Variants in NOL4 observed in about 807,000 individuals in gnomAD.
The protein encoded by NOL4 is cancer/testis antigen 125.
In NOL4, 17 loss-of-function variants were observed where a neutral mutation model predicts 75.9. The ratio of observed to expected loss-of-function variants is 0.22; its 90% CI spans 0.15 to 0.34. NOL4 has a LOEUF of 0.34. Among genes scored for constraint, NOL4 ranks in the 10% least tolerant of loss-of-function variants. The probability of loss-of-function intolerance (pLI) is 1.00; values close to 1 mark genes in which losing one functional copy is unlikely to be tolerated. For missense variants in NOL4, 614 were observed against 793.5 expected (o/e 0.77, Z 2.72); for synonymous variants, 292 against 289.9 (o/e 1.01, Z -0.07).
At chr18:33,857,815 C>T (rs1233865784) in intron 10 of NOL4, among the ~76,000 whole-genome samples, 1 of 152,050 alleles carries the variant, frequency 6.6e-6, no homozygotes, top group Non-Finnish European at 1.5e-5. Context: ...AAGGAATAAC[C>T]ATATGCTTTA....
chr18:34,071,434 GACAGACAC>G (rs1568304609), intron 5 of NOL4, among the ~76,000 whole-genome samples: 1 of 66,522 alleles, frequency 1.5e-5, no homozygotes, highest in Non-Finnish European at 3.3e-5. Flanking sequence ...CAGACAGACA[GACAGACAC>G]ACACACACAC....
chr18:34,141,564 A>G (rs1388109253), intron 1 of NOL4, among the ~76,000 whole-genome samples: 1 of 152,200 alleles, frequency 6.6e-6, no homozygotes, highest in Non-Finnish European at 1.5e-5. Context: ...GACAAACCTG[A>G]CAAAAACAAG....
intron 1 of NOL4, among the ~76,000 whole-genome samples, chr18:34,202,142 C>G (rs1178133964): frequency 6.6e-6 from 1 of 151,770 alleles, no homozygotes; most frequent in Non-Finnish European, 1.5e-5. Flanking sequence ...GAAAGTCAGT[C>G]CAAATCCCAC....
At chr18:33,969,802 T>A (rs960518136) in intron 6 of NOL4, among the ~76,000 whole-genome samples, 28 of 151,960 alleles carry the variant, frequency 1.8e-4, no homozygotes, top group Admixed American at 5.9e-4. Context: ...CTTTGAAGAT[T>A]CCCATGAAAT....
chr18:34,162,961 A>G (rs571763234), intron 1 of NOL4, among the ~76,000 whole-genome samples: 1 of 152,362 alleles, frequency 6.6e-6, no homozygotes, highest in African/African-American at 2.4e-5. Context: ...AATGTAATCC[A>G]GCATATAAAC....
chr18:34,074,765 G>A (rs2077674113), intron 5 of NOL4, among the ~76,000 whole-genome samples: 1 of 152,002 alleles, frequency 6.6e-6, no homozygotes. Flanking sequence ...TGGTTCTTAA[G>A]AGAATAAAGT....
chr18:34,220,614 T>C (rs1212566144), intron 1 of NOL4, among the ~76,000 whole-genome samples: 1 of 152,162 alleles, frequency 6.6e-6, no homozygotes, highest in Admixed American at 6.5e-5. Context: ...ATCCTTTATT[T>C]TTTAACTCAT....
At chr18:34,090,333 G>A (rs775370684) in intron 5 of NOL4, among the ~76,000 whole-genome samples, 4 of 151,990 alleles carry the variant, frequency 2.6e-5, no homozygotes, top group Non-Finnish European at 5.9e-5. Flanking sequence ...TAATTAATAT[G>A]GTATTTTCAT....
At chr18:34,010,284 C>A (rs541812154) in intron 6 of NOL4, among the ~76,000 whole-genome samples, 2 of 151,958 alleles carry the variant, frequency 1.3e-5, no homozygotes, top group East Asian at 3.9e-4. Context: ...TGTCTTATTT[C>A]ACTTAACATG....
intron 1 of NOL4, among the ~76,000 whole-genome samples, chr18:34,176,885 A>T (rs900190411): frequency 2.0e-5 from 3 of 152,064 alleles, no homozygotes; most frequent in African/African-American, 7.2e-5. Context: ...TACATCACAA[A>T]CTGTCAGTAG....
intron 6 of NOL4, among the ~76,000 whole-genome samples, chr18:33,997,833 T>C (rs1355324892): frequency 6.6e-6 from 1 of 151,508 alleles, no homozygotes; most frequent in East Asian, 1.9e-4. Flanking sequence ...GCATTATTCA[T>C]AATAGCCAAA....
At chr18:33,990,990 T>C (rs2072873297) in intron 6 of NOL4, among the ~76,000 whole-genome samples, 1 of 151,936 alleles carries the variant, frequency 6.6e-6, no homozygotes, top group Non-Finnish European at 1.5e-5. Context: ...TTACAAACTT[T>C]CAATATCTTA....
At chr18:34,088,910 A>G (rs1298718900) in intron 5 of NOL4, among the ~76,000 whole-genome samples, 1 of 152,014 alleles carries the variant, frequency 6.6e-6, no homozygotes, top group Non-Finnish European at 1.5e-5. Flanking sequence ...TCTTATTACA[A>G]ATTCTTCATT....
chr18:33,968,333 T>C (rs1600092095), intron 6 of NOL4, among the ~76,000 whole-genome samples: 1 of 152,302 alleles, frequency 6.6e-6, no homozygotes, highest in Middle Eastern at 3.4e-3. Flanking sequence ...CATGCAATTA[T>C]ATGTTCATCA....
At chr18:33,887,864 G>T (rs2064855289) in intron 9 of NOL4, among the ~76,000 whole-genome samples, 1 of 152,122 alleles carries the variant, frequency 6.6e-6, no homozygotes, top group Non-Finnish European at 1.5e-5. Flanking sequence ...ATTGTGAATA[G>T]TGCCGCAATA....
At chr18:33,861,465 G>A (rs1423620375) in intron 10 of NOL4, among the ~76,000 whole-genome samples, 1 of 152,070 alleles carries the variant, frequency 6.6e-6, no homozygotes, top group Non-Finnish European at 1.5e-5. Context: ...GTATTTCTGT[G>A]GGATTGGTGG....
chr18:33,885,888 CTGTTTACA>C (rs2064611227), intron 9 of NOL4, among the ~76,000 whole-genome samples: 1 of 152,080 alleles, frequency 6.6e-6, no homozygotes. Context: ...TGTTGCAACA[CTGTTTACA>C]ATAGCTAAGA....
At chr18:34,153,449 C>A (rs370307426) in intron 1 of NOL4, among the ~76,000 whole-genome samples, 3 of 151,892 alleles carry the variant, frequency 2.0e-5, no homozygotes, top group East Asian at 3.9e-4. Context: ...CTGCTAAACA[C>A]TTTACAAGTA....
At chr18:34,125,753 T>TA (rs961663935) in intron 2 of NOL4, among the ~76,000 whole-genome samples, 19 of 152,076 alleles carry the variant, frequency 1.2e-4, no homozygotes, top group African/African-American at 4.6e-4. Context: ...AGCATTTTTT[T>TA]AAAAAAAGAG....
Sources: gnomAD v4.1 joint callset for allele counts (sites outside exome capture counted in the v4.1 genomes callset) on GRCh38, gnomAD v4.1.1 for gene constraint, MANE v1.5 for transcripts, NCBI Gene and HGNC (gene_info 2026-07-23, HGNC 2026-07-21) for gene names.